CTBP2: variants seen among roughly 807,000 people sequenced by gnomAD.
CTBP2 encodes C-terminal binding protein 2, also known as C-terminal-binding protein 2.
A neutral mutation model predicts 80.3 loss-of-function variants in CTBP2; 30 were observed. The observed-to-expected ratio is 0.37, with a 90% CI of 0.28 to 0.51. The LOEUF is 0.51. Ranked by LOEUF, CTBP2 falls within the 20% of genes least tolerant of loss-of-function variation. The probability of loss-of-function intolerance (pLI) is 0.93; values close to 1 mark genes in which losing one functional copy is unlikely to be tolerated. For synonymous variants in CTBP2, 594 were observed against 587.4 expected, an observed-to-expected ratio of 1.01 and a Z score of -0.16; for missense variants, 1,212 against 1,375.3, an observed-to-expected ratio of 0.88 and a Z score of 1.88.
At chr10:124,989,841 G>T in intron 8 of CTBP2, 143 bp from the exon 11 acceptor site, 1 of 723,318 alleles carries the variant, frequency 1.4e-6, no homozygotes, top group Non-Finnish European at 2.1e-6. Flanking sequence ...CTGGGCTCAA[G>T]TGATCCCACC....
chr10:125,026,184 G>T lies in CTBP2; in HGVS notation c.1576C>A (p.Pro526Thr), dbSNP rs1156665470. The T allele has an allele frequency of 6.2e-7, 1 of 1,612,050 alleles. No homozygotes were observed. The highest frequency in any genetic ancestry group is 8.5e-7 in the Non-Finnish European group (1 of 1,178,734). ...GGCGTGTGGAGGCTCTGGCTGGCCG[G>T]CGGCAGGGTGGATGGCCCCAGGGGT... The change falls in exon 1 of 9, where the codon CCG becomes ACG. Residue 526 changes from proline to threonine, a missense_variant. Pro to Thr is a conservative substitution (Grantham distance 38). Coordinates refer to ENST00000309035, the MANE Select transcript of CTBP2 (RefSeq NM_022802.3).
chr10:125,018,560 CAAACAAACA>C (rs879313775), intron 1 of CTBP2, among the ~76,000 whole-genome samples: 40,532 of 132,186 alleles, frequency 0.31, 5,538 homozygotes, highest in African/African-American at 0.35. Context: ...AACCAACAAA[CAAACAAACA>C]AACAAACAAA....
chr10:125,120,852 A>G (rs1289310458), intron 1 of CTBP2, among the ~76,000 whole-genome samples: 1 of 152,144 alleles, frequency 6.6e-6, no homozygotes, highest in Non-Finnish European at 1.5e-5. Context: ...CCATGTCAAC[A>G]CTATTGATCA....
chr10:125,151,530 C>T (rs998837448), intron 1 of CTBP2, among the ~76,000 whole-genome samples: 18 of 152,214 alleles, frequency 1.2e-4, no homozygotes, highest in Admixed American at 6.5e-5. Flanking sequence ...AGATCCCAAG[C>T]CGGTCAAGTG....
At chr10:125,053,945 C>T (rs1963347691) in intron 2 of CTBP2, among the ~76,000 whole-genome samples, 1 of 152,174 alleles carries the variant, frequency 6.6e-6, no homozygotes, top group African/African-American at 2.4e-5. Context: ...TCTCAGTGAC[C>T]TTTCCAGCCC....
At chr10:125,056,135 A>G (rs937733893) in intron 2 of CTBP2, among the ~76,000 whole-genome samples, 30 of 151,776 alleles carry the variant, frequency 2.0e-4, no homozygotes, top group African/African-American at 7.3e-4. Flanking sequence ...ACTGCACTCC[A>G]GCCTGGGCAA....
chr10:125,061,463 GC>G (rs1406554170), intron 2 of CTBP2, among the ~76,000 whole-genome samples: 1 of 152,134 alleles, frequency 6.6e-6, no homozygotes, highest in Non-Finnish European at 1.5e-5. Flanking sequence ...AGGGGTACAG[GC>G]CCTGCAGCGC....
At chr10:125,092,736 T>TAAGCCCATGTTGGGCCACAC in intron 2 of CTBP2, among the ~76,000 whole-genome samples, 1 of 152,190 alleles carries the variant, frequency 6.6e-6, no homozygotes, top group Non-Finnish European at 1.5e-5. Flanking sequence ...TGTCTCTGGA[T>TAAGCCCATGTTGGGCCACAC]AAGCCCATGT....
intron 2 of CTBP2, among the ~76,000 whole-genome samples, chr10:125,061,686 C>A (rs1388142479): frequency 1.3e-5 from 2 of 152,190 alleles, no homozygotes; most frequent in African/African-American, 4.8e-5. Context: ...ACAGGCCAGA[C>A]GGAGCCCCCG....
chr10:125,025,982 G>A, intron 1 of CTBP2: 1 of 1,432,060 alleles, frequency 7.0e-7, no homozygotes, highest in Non-Finnish European at 9.4e-7. Flanking sequence ...GTGTGGCCTG[G>A]TGAGTGAGGA....
chr10:125,005,005 C>T (rs374285909), intron 1 of CTBP2, among the ~76,000 whole-genome samples: 41 of 152,332 alleles, frequency 2.7e-4, no homozygotes, highest in African/African-American at 9.4e-4. Context: ...CGGGGGGGCT[C>T]CTGCTGGACC....
At chr10:124,989,987 A>G (rs1952373902) in intron 8 of CTBP2, among the ~76,000 whole-genome samples, 1 of 151,222 alleles carries the variant, frequency 6.6e-6, no homozygotes, top group African/African-American at 2.4e-5. Flanking sequence ...ATGCCCCATC[A>G]TAGGCCTCCC....
chr10:125,005,750 T>C lies in CTBP2; in HGVS notation c.1679-2258A>G, dbSNP rs777321769. 5.6e-6 allele frequency: 9 copies of C among 1,612,932 alleles called. No homozygotes were observed. In the South Asian group the frequency reaches 6.6e-5, roughly 12 times the overall value. ...TTCCTTCTGTTTCAGTACACTCTTC[T>C]GGCCCCTACTTGAGGTCTGAGCGCA... On this transcript the variant is annotated intron_variant, in intron 1 of 8. Transcript: ENST00000309035.
chr10:125,043,809 G>T (rs1472967912), intron 2 of CTBP2, among the ~76,000 whole-genome samples: 2 of 152,216 alleles, frequency 1.3e-5, no homozygotes, highest in African/African-American at 4.8e-5. Flanking sequence ...TATAGAGTAA[G>T]TGCATGCCTT....
intron 2 of CTBP2, among the ~76,000 whole-genome samples, chr10:125,067,182 A>G (rs940276557): frequency 6.6e-6 from 1 of 152,234 alleles, no homozygotes; most frequent in African/African-American, 2.4e-5. Context: ...TGAGAAAAAC[A>G]TCACACAAAC....
At chr10:125,057,727 G>A (rs1009971621) in intron 2 of CTBP2, among the ~76,000 whole-genome samples, 1 of 152,210 alleles carries the variant, frequency 6.6e-6, no homozygotes, top group African/African-American at 2.4e-5. Flanking sequence ...TTAAAATAGG[G>A]CCTGTTTCAT....
chr10:125,029,964 A>G (rs1000153897), upstream of CTBP2, among the ~76,000 whole-genome samples: 14 of 152,312 alleles, frequency 9.2e-5, no homozygotes, highest in Middle Eastern at 3.4e-3. Flanking sequence ...TCAGCCTCCC[A>G]TTGAACCAGG....
At chr10:125,092,356 C>A (rs774335062) in intron 2 of CTBP2, among the ~76,000 whole-genome samples, 1 of 151,720 alleles carries the variant, frequency 6.6e-6, no homozygotes, top group African/African-American at 2.4e-5. Flanking sequence ...ACACCCAGCT[C>A]ATTTTTGTAT....
chr10:125,069,383 C>T (rs192997744), intron 2 of CTBP2, among the ~76,000 whole-genome samples: 82 of 152,280 alleles, frequency 5.4e-4, no homozygotes, highest in African/African-American at 1.8e-3. Flanking sequence ...TTTGGGAGGC[C>T]GAGGTGCGTG....
Sources: gnomAD v4.1 joint callset for allele counts (sites outside exome capture counted in the v4.1 genomes callset) on GRCh38, gnomAD v4.1.1 for gene constraint, MANE v1.5 for transcripts, NCBI Gene and HGNC (gene_info 2026-07-23, HGNC 2026-07-21) for gene names.